KIF25: variants seen among roughly 807,000 people sequenced by gnomAD.
The protein encoded by KIF25 is kinesin-like protein KIF25.
Under a neutral mutation model 32.9 loss-of-function variants are expected in KIF25, and 19 were observed. The ratio of observed to expected loss-of-function variants is 0.58; its 90% CI spans 0.40 to 0.85. The LOEUF is 0.85. Among genes scored for constraint, KIF25 ranks in the 40% least tolerant of loss-of-function variants. KIF25 has a pLI of 0.00. For synonymous variants in KIF25, 225 were observed against 213.7 expected (o/e 1.05, Z -0.46); for missense variants, 485 against 507.0 (o/e 0.96, Z 0.42).
rs145318234 is a variant in KIF25 at position 168,042,669 on chromosome 6, C to A, written c.938C>A (p.Ala313Asp). 6.2e-7 allele frequency: 1 copy of A among 1,613,386 alleles called. No homozygotes were observed. Among genetic ancestry groups the A allele is most frequent in the Non-Finnish European group, 8.5e-7 (1 of 1,180,024 alleles). ...GCTTTGTTGGAGCACCGTGGCCATG[C>A]CCCGTACCGGAACAGCAGGCTCACC... The part of the protein sequence containing the change: ...LGALLEHRGH[A>D]PYRNSRLTHL... The change falls in exon 12 of 13, where the codon GCC (alanine) becomes GAC (aspartate). Residue 313 changes from alanine to aspartate, a missense_variant. Around this residue, in one of 2 missense-constraint regions of KIF25, gnomAD observed 480 missense variants for 470.3 expected, o/e 1.02. Transcript: ENST00000643607.
chr6:168,004,019 T>C (rs1798540804), intron 4 of KIF25, among the ~76,000 whole-genome samples: 1 of 152,202 alleles, frequency 6.6e-6, no homozygotes, highest in African/African-American at 2.4e-5. Flanking sequence ...AGTGATATCA[T>C]GGGTGAACTT....
chr6:168,009,574 T>G (rs1340310694), intron 4 of KIF25, among the ~76,000 whole-genome samples: 1 of 152,170 alleles, frequency 6.6e-6, no homozygotes, highest in African/African-American at 2.4e-5. Flanking sequence ...ATCCCGGTTA[T>G]GCTGGCCTTG....
chr6:168,032,830 G>A (rs946838297), intron 7 of KIF25, among the ~76,000 whole-genome samples: 2 of 152,198 alleles, frequency 1.3e-5, no homozygotes, highest in African/African-American at 2.4e-5. Flanking sequence ...TGACTCGGAC[G>A]GGGGGTCAGG....
At chr6:168,030,720 A>G in intron 6 of KIF25, 53 bp from the exon 7 acceptor site, 5 of 1,462,180 alleles carry the variant, frequency 3.4e-6, no homozygotes, top group Non-Finnish European at 4.7e-6. Context: ...TCTGCATGCT[A>G]GAGCCGCTTT....
At chr6:168,037,177 G>T (rs57292658) in intron 8 of KIF25, among the ~76,000 whole-genome samples, 3,572 of 152,240 alleles carry the variant, frequency 0.023, 157 homozygotes, top group African/African-American at 0.082. Context: ...TGAACCTGTC[G>T]AATCCAAATC....
intron 8 of KIF25, among the ~76,000 whole-genome samples, chr6:168,034,490 C>T (rs572808774): frequency 4.8e-4 from 73 of 152,250 alleles, no homozygotes; most frequent in Middle Eastern, 3.4e-3. Context: ...AACTCCTGAC[C>T]TTAGGTGATC....
At position 168,001,715 on chromosome 6, in the gene KIF25, G is replaced by A. The variant is rs111416081; in HGVS notation, c.-369-828G>A. ...GGGCAGGTGAGAAGACACCTGAGGC[G>A]TGGCCGCGGGCAGGTGAGAAGACAC... On this transcript the variant is annotated intron_variant, in intron 2 of 12. Coordinates refer to ENST00000643607, the MANE Select transcript of KIF25 (RefSeq NM_030615.4). 1.8e-3 allele frequency among the ~76,000 whole-genome samples: 130 copies of A among 73,278 alleles called. 2 individuals carry two copies. Among genetic ancestry groups the A allele is most frequent in the Non-Finnish European group, 2.2e-3 (86 of 38,686 alleles). The allele number at this position is 73,278 out of a possible 152,430, so 48.1% of individuals were successfully genotyped here.
At chr6:168,038,451 T>C (rs924204725) in intron 8 of KIF25, 102 bp from the exon 9 acceptor site, 2 of 1,176,304 alleles carry the variant, frequency 1.7e-6, no homozygotes, top group Non-Finnish European at 2.5e-6. Flanking sequence ...ACCCCAGCAG[T>C]CTTACTGAGC....
chr6:168,004,935 G>C (rs778577097), intron 4 of KIF25, among the ~76,000 whole-genome samples: 1 of 152,196 alleles, frequency 6.6e-6, no homozygotes, highest in Non-Finnish European at 1.5e-5. Flanking sequence ...CATTTTAAAG[G>C]AGAGAAAACC....
intron 12 of KIF25, 138 bp from the exon 13 acceptor site, chr6:168,044,689 C>T (rs1352980604): frequency 4.7e-6 from 4 of 842,918 alleles, no homozygotes; most frequent in African/African-American, 1.7e-5. Flanking sequence ...AGGAACCTGC[C>T]AGACGTGGCC....
At chr6:168,000,114 C>T in intron 2 of KIF25, among the ~76,000 whole-genome samples, 1 of 112,348 alleles carries the variant, frequency 8.9e-6, no homozygotes, top group Non-Finnish European at 1.9e-5. Flanking sequence ...CCTCCCCACT[C>T]CCATCCTGTC....
chr6:168,042,101 A>T lies in KIF25; in HGVS notation c.779A>T (p.Gln260Leu), dbSNP rs950713747. 3 of 1,551,660 alleles carry T rather than the reference A, an allele frequency of 1.9e-6. No homozygotes were observed. Among genetic ancestry groups the T allele is most frequent in the Non-Finnish European group, 8.7e-7 (1 of 1,147,686 alleles). ...GGGAACCCCGCAGGGCATGCGGAGC[A>T]GGTGCAGGCTCGACTACAGCTCGTG... The part of the protein sequence containing the change: ...VPGNPAGHAE[Q>L]VQARLQLVDS... The change falls in exon 11 of 13, where the codon CAG becomes CTG. Residue 260 changes from glutamine to leucine, a missense_variant. Around this residue, in one of 2 missense-constraint regions of KIF25, gnomAD observed 480 missense variants for 470.3 expected, o/e 1.02. Coordinates refer to ENST00000643607, the MANE Select transcript of KIF25 (RefSeq NM_030615.4).
rs1318749391 is a variant in KIF25, at chr6:168,019,167, AG to A, written c.-95+1128del. On this transcript the variant is annotated intron_variant, in intron 5 of 12. Coordinates refer to ENST00000643607, the MANE Select transcript of KIF25 (RefSeq NM_030615.4). ...TGCTGGCATCCCATAATAAAGCCGA[AG>A]AAAAATTACTGGGATTGGAGGGTCA... Among the ~76,000 whole-genome samples, 3 of 152,378 alleles carry A rather than the reference AG, an allele frequency of 2.0e-5. No individual in the cohort carries two copies. The East Asian group carries it at 5.8e-4, about 29-fold the overall frequency.
intron 4 of KIF25, among the ~76,000 whole-genome samples, chr6:168,016,787 G>A: frequency 6.6e-6 from 1 of 152,226 alleles, no homozygotes; most frequent in Non-Finnish European, 1.5e-5. Flanking sequence ...CCAGTTAGGG[G>A]ATAGCCAGGG....
intron 8 of KIF25, among the ~76,000 whole-genome samples, chr6:168,037,450 C>T (rs943570153): frequency 3.3e-5 from 5 of 152,136 alleles, no homozygotes; most frequent in South Asian, 2.1e-4. Context: ...TGCTCACCAT[C>T]GGATTGACAT....
rs377361577 is a variant in KIF25, at chr6:168,044,894, G to T, written c.1053G>T (p.Leu351Phe). 2.2e-5 allele frequency: 36 copies of T among 1,612,836 alleles called. No homozygotes were observed. Among genetic ancestry groups the T allele is most frequent in the Non-Finnish European group, 2.8e-5 (33 of 1,179,184 alleles). The change falls in exon 13 of 13, where the codon TTG (leucine) becomes TTT (phenylalanine). Residue 351 changes from leucine (L) to phenylalanine (F), a missense_variant. Around this residue, in one of 2 missense-constraint regions of KIF25, gnomAD observed 480 missense variants for 470.3 expected, o/e 1.02. Transcript: ENST00000643607. Reference protein sequence around the residue: ...SPSQRHLAQTLQGLGFGIRAR... With the variant: ...SPSQRHLAQTFQGLGFGIRAR... Reference sequence around the variant, plus strand: ...GCCAGAGGCACCTGGCACAGACGTTGCAGGGCCTGGGTTTCGGGATCCGAG... The same window carrying T: ...GCCAGAGGCACCTGGCACAGACGTTTCAGGGCCTGGGTTTCGGGATCCGAG...
At chr6:168,039,117 A>T (rs1799078567) in intron 9 of KIF25, among the ~76,000 whole-genome samples, 1 of 137,036 alleles carries the variant, frequency 7.3e-6, no homozygotes, top group African/African-American at 3.7e-5. Flanking sequence ...AGATAAAAGT[A>T]AAAAAAACCA....
intron 10 of KIF25, 123 bp from the exon 11 acceptor site, chr6:168,041,846 C>G: frequency 1.1e-6 from 1 of 885,700 alleles, no homozygotes; most frequent in South Asian, 1.9e-5. Flanking sequence ...CCACTTCTTA[C>G]TGGGTGGGAG....
rs141643935 is a variant in KIF25 at position 168,043,445 on chromosome 6, G to A, written c.985+729G>A. Among the ~76,000 whole-genome samples, 4 of 152,332 alleles carry A rather than the reference G, an allele frequency of 2.6e-5. No individual in the cohort carries two copies. In the East Asian group the frequency reaches 7.7e-4, roughly 29 times the overall value. The stretch of plus-strand genomic sequence containing the variant: ...CTTCCTGGGAGGGCCACCCTGGGAG[G>A]TGGTGGAGGGGCCGCTGGTGCTCGG... On this transcript the variant is annotated intron_variant, in intron 12 of 12. Transcript: ENST00000643607.
Sources: allele counts gnomAD v4.1 joint callset (sites outside exome capture counted in the v4.1 genomes callset), GRCh38; gene constraint gnomAD v4.1.1; regional missense constraint gnomAD v4.1.1; transcripts MANE v1.5; gene names NCBI Gene and HGNC (gene_info 2026-07-23, HGNC 2026-07-21).